The following FSCN2 variants were observed in gnomAD, a reference collection of about 807,000 sequenced individuals.
The protein encoded by FSCN2 is fascin actin-bundling protein 2, retinal, also known as fascin-2.
In FSCN2, 46 loss-of-function variants were observed where a neutral mutation model predicts 37.8. That is an observed-to-expected ratio of 1.22 (90% CI 0.96 to 1.56). The LOEUF is 1.56. Among genes scored for constraint, FSCN2 ranks in the 40% most tolerant of loss-of-function variants. The probability of loss-of-function intolerance (pLI) is 0.00; values close to 1 mark genes in which losing one functional copy is unlikely to be tolerated. For missense variants in FSCN2, 844 were observed against 730.4 expected, an observed-to-expected ratio of 1.16 and a Z score of -1.79; for synonymous variants, 351 against 309.4, an observed-to-expected ratio of 1.13 and a Z score of -1.41.
chr17:81,522,616 G>C, the FSCN2 span, among the ~76,000 whole-genome samples: 5 of 152,348 alleles, frequency 3.3e-5, no homozygotes, highest in East Asian at 9.6e-4. Context: ...CTGAACTTGC[G>C]GGTGGACGTG....
intron 1 of FSCN2, among the ~76,000 whole-genome samples, chr17:81,532,599 A>ATAG (rs2032728146): frequency 6.4e-5 from 9 of 141,490 alleles, no homozygotes; most frequent in African/African-American, 2.5e-4. Context: ...GGTGATGGTG[A>ATAG]TGATGGTGAT....
intron 2 of FSCN2, among the ~76,000 whole-genome samples, chr17:81,535,732 ACATCCC>A (rs1437658953): frequency 1.9e-4 from 4 of 20,868 alleles, no homozygotes; most frequent in East Asian, 1.4e-3. Context: ...ATCTCCATTT[ACATCCC>A]CATCCCCATC....
At chr17:81,515,213 C>A in the FSCN2 span, among the ~76,000 whole-genome samples, 1 of 152,134 alleles carries the variant, frequency 6.6e-6, no homozygotes, top group Non-Finnish European at 1.5e-5. Flanking sequence ...AGCGGGGCCT[C>A]GCCCAAGGTC....
Position 81,528,559 on chromosome 17 carries a change from C to G in FSCN2, c.28C>G (p.Leu10Val). Residue 10 changes from leucine to valine, a missense_variant, in exon 1 of 5, where the codon CTG (leucine) becomes GTG (valine). Coordinates refer to ENST00000417245, the MANE Select transcript of FSCN2 (RefSeq NM_012418.4). Reference protein sequence around the residue: MPTNGLHQVLKIQFGLVNDT... With the variant: MPTNGLHQVVKIQFGLVNDT... The stretch of plus-strand genomic sequence containing the variant: ...GCCGACGAACGGCCTGCACCAGGTG[C>G]TGAAGATCCAGTTTGGCCTCGTCAA... The G allele has an allele frequency of 6.2e-7, 1 of 1,605,292 alleles. No homozygotes were observed. The highest frequency in any genetic ancestry group is 8.5e-7 in the Non-Finnish European group (1 of 1,176,414).
chr17:81,516,527 G>C, the FSCN2 span, among the ~76,000 whole-genome samples: 2 of 152,098 alleles, frequency 1.3e-5, no homozygotes, highest in African/African-American at 4.8e-5. Context: ...GGCCTGGCTG[G>C]CTCCCTTGGG....
At chr17:81,528,278 G>T, upstream of FSCN2, 1 of 522,144 alleles carries the variant, frequency 1.9e-6, no homozygotes, top group Non-Finnish European at 3.5e-6. Flanking sequence ...GGTAATGAAA[G>T]GTGCTGCTCC....
chr17:81,522,026 G>A, the FSCN2 span, among the ~76,000 whole-genome samples: 69,479 of 151,822 alleles, frequency 0.46, 16,234 homozygotes, highest in East Asian at 0.79. Flanking sequence ...TTGAAACGGA[G>A]TCTCACTCTG....
At chr17:81,520,045 G>A in the FSCN2 span, among the ~76,000 whole-genome samples, 1 of 152,196 alleles carries the variant, frequency 6.6e-6, no homozygotes, top group Admixed American at 6.5e-5. Flanking sequence ...ACCTGCTGGG[G>A]ACAGAGGCTT....
At chr17:81,531,291 G>A (rs1385653592) in intron 1 of FSCN2, among the ~76,000 whole-genome samples, 845 of 59,198 alleles carry the variant, frequency 0.014, 10 homozygotes, top group African/African-American at 0.058. Flanking sequence ...GATGGTGATG[G>A]TGGTGATGGT....
rs575229153 is a variant in FSCN2, at chr17:81,535,059, C to T, written c.834C>T (p.Asn278=). 56 of 1,530,282 alleles carry T rather than the reference C, an allele frequency of 3.7e-5. No homozygotes were observed. The highest frequency in any genetic ancestry group is 1.2e-4 in the Admixed American group (6 of 50,380). The allele number at this position is 1,530,282 out of a possible 1,614,324, so 94.8% of individuals were successfully genotyped here. ...CCCATCTCCTCCCTCCAGGGGTCAA[C>T]GTCTCAGCCAATCAGGATGATGAAC... is the stretch of plus-strand genomic sequence containing the variant. ...HRYVSVRQGV[N]VSANQDDELD... is the part of the protein sequence containing the mutation. Residue 278 remains asparagine (N), a synonymous_variant, in exon 2 of 5, where the codon AAC becomes AAT. Coordinates refer to ENST00000417245, the MANE Select transcript of FSCN2 (RefSeq NM_012418.4).
At chr17:81,531,212 GGTGGTGATGGTGATA>G (rs1568076849) in intron 1 of FSCN2, among the ~76,000 whole-genome samples, 50 of 134,620 alleles carry the variant, frequency 3.7e-4, no homozygotes, top group Non-Finnish European at 6.4e-4. Context: ...TGGTGGTGAT[GGTGGTGATGGTGATA>G]ATGGTGATGG....
rs2032634240 is a variant in FSCN2, at chr17:81,531,788, GGTGA to G, written c.826+2432_826+2435del. On this transcript the variant is annotated intron_variant, in intron 1 of 4. Coordinates refer to ENST00000417245, the MANE Select transcript of FSCN2 (RefSeq NM_012418.4). ...TGGTGATGATAGTGATGGTGATGAT[GGTGA>G]TGATGATAATGGTGATGATGGTGGT... 1.0e-4 allele frequency among the ~76,000 whole-genome samples: 10 copies of G among 99,202 alleles called. 1 individual carries two copies. The highest frequency in any genetic ancestry group is 2.6e-4 in the African/African-American group (8 of 30,982). 65.1% of individuals were successfully genotyped at this position (99,202 alleles called of 152,430 possible).
intron 1 of FSCN2, chr17:81,530,010 C>A (rs12937453): frequency 0.16 from 45,811 of 290,744 alleles, 4,069 homozygotes; most frequent in Middle Eastern, 0.26. Context: ...CGGGGTTTCA[C>A]TGTGTTAGCC....
At position 81,529,359 on chromosome 17, in the gene FSCN2, TAGGG is replaced by T. The variant is rs2032472952; in HGVS notation, c.826+7_826+10del. The T allele has an allele frequency of 6.5e-7, 1 of 1,535,538 alleles. No homozygotes were observed. The highest frequency in any genetic ancestry group is 8.8e-7 in the Non-Finnish European group (1 of 1,139,592). ...ACCGCTACGTCTCTGTGCGGCAAGGTAGGGAGGGCACAGGTGGCGACCTCCTGAG... is the reference window on the plus strand; with the variant it reads ...ACCGCTACGTCTCTGTGCGGCAAGGTAGGGCACAGGTGGCGACCTCCTGAG... On this transcript the variant is annotated splice_donor_5th_base_variant and intron_variant, in intron 1 of 4. Transcript: ENST00000417245.
At chr17:81,531,837 ATGGTGG>A (rs1257285672) in intron 1 of FSCN2, among the ~76,000 whole-genome samples, 5 of 108,806 alleles carry the variant, frequency 4.6e-5, no homozygotes, top group Admixed American at 3.5e-4. Flanking sequence ...GGTGGTGGTG[ATGGTGG>A]TGATGGTGAT....
chr17:81,536,880 G>A lies in FSCN2; in HGVS notation c.1279G>A (p.Asp427Asn), dbSNP rs775018715. The A allele has an allele frequency of 1.9e-6, 3 of 1,571,564 alleles. No homozygotes were observed. The highest frequency in any genetic ancestry group is 2.6e-6 in the Non-Finnish European group (3 of 1,158,460). The part of the protein sequence containing the change: ...SDGAYRIRGR[D>N]GGFWYTGSHG... ...GACGCCGTCCCGTCCCCCAGGCCGC[G>A]ACGGAGGGTTCTGGTACACGGGCAG... is the stretch of plus-strand genomic sequence containing the variant. Residue 427 changes from aspartate to asparagine, a missense_variant, in exon 5 of 5, where the codon GAC becomes AAC. Transcript: ENST00000417245.
At chr17:81,526,479 A>T (rs1555670119), upstream of FSCN2, among the ~76,000 whole-genome samples, 1 of 152,074 alleles carries the variant, frequency 6.6e-6, no homozygotes, top group African/African-American at 2.4e-5. Flanking sequence ...AAAAATACAA[A>T]CATTAGCCGG....
the FSCN2 span, among the ~76,000 whole-genome samples, chr17:81,521,363 CTT>C: frequency 4.1e-4 from 55 of 134,492 alleles, no homozygotes; most frequent in Non-Finnish European, 4.3e-4. Context: ...CCAAGCCCAG[CTT>C]TTTTTTTTTT....
intron 1 of FSCN2, among the ~76,000 whole-genome samples, chr17:81,532,392 ATGG>A (rs1325917543): frequency 4.2e-4 from 54 of 129,876 alleles, no homozygotes; most frequent in African/African-American, 1.5e-3. Context: ...GATGGCGATG[ATGG>A]TGATGATAGT....
Sources: allele counts gnomAD v4.1 joint callset (sites outside exome capture counted in the v4.1 genomes callset), GRCh38; gene constraint gnomAD v4.1.1; transcripts MANE v1.5; gene names NCBI Gene and HGNC (gene_info 2026-07-23, HGNC 2026-07-21).